STXBP5L: variants seen among roughly 807,000 people sequenced by gnomAD.
STXBP5L encodes syntaxin-binding protein 5-like.
Under a neutral mutation model 144.5 loss-of-function variants are expected in STXBP5L, and 65 were observed. The ratio of observed to expected loss-of-function variants is 0.45; its 90% CI spans 0.37 to 0.55. The LOEUF is 0.55. Among genes scored for constraint, STXBP5L ranks in the 20% least tolerant of loss-of-function variants. The probability of loss-of-function intolerance (pLI) is 0.00; values close to 1 mark genes in which losing one functional copy is unlikely to be tolerated. For synonymous variants in STXBP5L, 505 were observed against 469.6 expected (o/e 1.08, Z -0.97); for missense variants, 1,298 against 1,405.5 (o/e 0.92, Z 1.22).
At chr3:121,305,639 A>G (rs1319477934) in intron 19 of STXBP5L, among the ~76,000 whole-genome samples, 1 of 152,166 alleles carries the variant, frequency 6.6e-6, no homozygotes, top group Non-Finnish European at 1.5e-5. Flanking sequence ...AGAATAGAAG[A>G]ATATTTCCTC....
intron 19 of STXBP5L, among the ~76,000 whole-genome samples, chr3:121,293,691 C>T (rs2051536041): frequency 6.6e-6 from 1 of 152,156 alleles, no homozygotes; most frequent in South Asian, 2.1e-4. Context: ...GAAACCCTGT[C>T]TCTACTAAAA....
chr3:121,087,537 C>G (rs188939944), intron 5 of STXBP5L, among the ~76,000 whole-genome samples: 2 of 151,922 alleles, frequency 1.3e-5, no homozygotes, highest in Non-Finnish European at 2.9e-5. Context: ...TTTGTCTATT[C>G]TTATACTTTA....
At chr3:121,003,693 A>G (rs1443896746) in intron 3 of STXBP5L, among the ~76,000 whole-genome samples, 1 of 152,174 alleles carries the variant, frequency 6.6e-6, no homozygotes, top group Non-Finnish European at 1.5e-5. Context: ...CAGGTCTAAC[A>G]TGTGAGTCTT....
chr3:121,192,441 T>C (rs574969032), intron 9 of STXBP5L, among the ~76,000 whole-genome samples: 1 of 152,142 alleles, frequency 6.6e-6, no homozygotes, highest in Non-Finnish European at 1.5e-5. Context: ...AAGCTATCAA[T>C]GACTTTCTTC....
rs2045709444 is a variant in STXBP5L, at chr3:121,361,426, T to A, written c.2177-17290T>A. On this transcript the variant is annotated intron_variant, in intron 20 of 26. Coordinates refer to ENST00000471454, the MANE Select transcript of STXBP5L (RefSeq NM_001308330.2). Reference sequence around the variant, plus strand: ...CCCCCCTTTAAGGACATTTCTTAGGTTTGCCCTTTTGAGGCTATTTTCCAG... The same window carrying A: ...CCCCCCTTTAAGGACATTTCTTAGGATTGCCCTTTTGAGGCTATTTTCCAG... Among the ~76,000 whole-genome samples the A allele has an allele frequency of 3.3e-5, 5 of 152,178 alleles. No individual in the cohort carries two copies. The South Asian group carries it at 1.0e-3, about 32-fold the overall frequency.
At chr3:121,345,558 G>C (rs541889111) in intron 20 of STXBP5L, among the ~76,000 whole-genome samples, 3 of 152,126 alleles carry the variant, frequency 2.0e-5, no homozygotes, top group South Asian at 4.1e-4. Context: ...GGTATTTCTA[G>C]TTCTAGATTC....
chr3:121,115,147 G>A (rs17195251), intron 6 of STXBP5L, 88 bp downstream of exon 6: 199,144 of 1,224,510 alleles, frequency 0.16, 16,885 homozygotes, highest in South Asian at 0.26. Flanking sequence ...TATTTGATAC[G>A]TCTATTACTA....
intron 3 of STXBP5L, among the ~76,000 whole-genome samples, chr3:120,956,174 C>A (rs925316563): frequency 6.6e-6 from 1 of 151,864 alleles, no homozygotes; most frequent in East Asian, 1.9e-4. Flanking sequence ...ACTGAAGGGT[C>A]ATGTGGTAAT....
chr3:121,176,852 A>G (rs2046957861), intron 9 of STXBP5L, among the ~76,000 whole-genome samples: 1 of 152,012 alleles, frequency 6.6e-6, no homozygotes, highest in Non-Finnish European at 1.5e-5. Context: ...GAAGATCAGC[A>G]AAGAAAATAT....
At chr3:121,109,273 C>T (rs2043868439) in intron 5 of STXBP5L, among the ~76,000 whole-genome samples, 1 of 152,056 alleles carries the variant, frequency 6.6e-6, no homozygotes, top group Non-Finnish European at 1.5e-5. Context: ...TTGTTTTCTG[C>T]TATCTTTGGG....
intron 20 of STXBP5L, among the ~76,000 whole-genome samples, chr3:121,352,762 T>C (rs1399427525): frequency 6.6e-6 from 1 of 152,094 alleles, no homozygotes; most frequent in Non-Finnish European, 1.5e-5. Flanking sequence ...CTTGTGCTGG[T>C]TTTCAAAGGG....
intron 9 of STXBP5L, among the ~76,000 whole-genome samples, chr3:121,191,457 C>T (rs1422812612): frequency 6.6e-6 from 1 of 152,130 alleles, no homozygotes; most frequent in Non-Finnish European, 1.5e-5. Context: ...GAGAATCAGG[C>T]AGGGAGTTTG....
At chr3:121,201,866 G>T (rs546515234) in intron 9 of STXBP5L, among the ~76,000 whole-genome samples, 58 of 151,894 alleles carry the variant, frequency 3.8e-4, no homozygotes, top group Non-Finnish European at 6.9e-4. Context: ...AGGGATTCTC[G>T]TGCCTCAGCC....
At chr3:121,039,456 T>C (rs1005627692) in intron 3 of STXBP5L, among the ~76,000 whole-genome samples, 17 of 152,036 alleles carry the variant, frequency 1.1e-4, no homozygotes, top group Non-Finnish European at 1.5e-4. Flanking sequence ...ACTATTATTA[T>C]TTTTGCTTTA....
intron 12 of STXBP5L, among the ~76,000 whole-genome samples, chr3:121,238,263 T>C (rs2049548750): frequency 6.6e-6 from 1 of 152,178 alleles, no homozygotes; most frequent in Non-Finnish European, 1.5e-5. Flanking sequence ...TTTTCACTCA[T>C]GGTGAAAGGT....
chr3:121,314,611 G>T (rs1222188715), intron 19 of STXBP5L, among the ~76,000 whole-genome samples: 2 of 150,096 alleles, frequency 1.3e-5, no homozygotes, highest in Admixed American at 6.6e-5. Flanking sequence ...GAGAGGGAGA[G>T]GGAGAGGGAG....
intron 20 of STXBP5L, among the ~76,000 whole-genome samples, chr3:121,345,787 G>A (rs1441720366): frequency 6.6e-6 from 1 of 151,930 alleles, no homozygotes; most frequent in Non-Finnish European, 1.5e-5. Context: ...TCATGTGTCT[G>A]TTGGCTGCAT....
At chr3:120,976,949 A>C (rs1176290091) in intron 3 of STXBP5L, among the ~76,000 whole-genome samples, 1 of 151,988 alleles carries the variant, frequency 6.6e-6, no homozygotes, top group Non-Finnish European at 1.5e-5. Context: ...TTTGCTGAGG[A>C]GAGCTTTACT....
intron 2 of STXBP5L, among the ~76,000 whole-genome samples, chr3:120,939,362 A>G (rs1270523895): frequency 6.6e-6 from 1 of 152,176 alleles, no homozygotes; most frequent in Non-Finnish European, 1.5e-5. Context: ...GACATGGACT[A>G]TATTACTTCT....
Sources: allele counts gnomAD v4.1 joint callset (sites outside exome capture counted in the v4.1 genomes callset), GRCh38; gene constraint gnomAD v4.1.1; transcripts MANE v1.5; gene names NCBI Gene and HGNC (gene_info 2026-07-23, HGNC 2026-07-21).